The following FARS2 variants were observed in gnomAD, a reference collection of about 807,000 sequenced individuals.
FARS2 encodes phenylalanine--tRNA ligase, mitochondrial.
FARS2 carries 40 observed loss-of-function variants against 46.4 expected under a neutral mutation model. That is an observed-to-expected ratio of 0.86 (90% CI 0.67 to 1.12). The LOEUF (loss-of-function observed/expected upper bound fraction) is 1.12. Ranked by LOEUF, FARS2 falls within the 50% of genes most tolerant of loss-of-function variation. FARS2 has a pLI of 0.00. For missense variants in FARS2, 513 were observed against 567.9 expected (o/e 0.90, Z 0.98); for synonymous variants, 234 against 214.9 (o/e 1.09, Z -0.78).
rs550754895 is a variant in FARS2, at chr6:5,303,209, C to G, written c.-22+41549C>G. 2.6e-5 allele frequency among the ~76,000 whole-genome samples: 4 copies of G among 152,178 alleles called. No individual in the cohort carries two copies. The South Asian group carries it at 8.3e-4, about 32-fold the overall frequency. On this transcript the variant is annotated intron_variant, in intron 1 of 6. Coordinates refer to ENST00000274680, the MANE Select transcript of FARS2 (RefSeq NM_006567.5). ...CCCTGCTGCTTCCCTGGCAGGGACTCAGTGGGGAAGTGAAGGTATAGAGGA... is the reference window on the plus strand; with the variant it reads ...CCCTGCTGCTTCCCTGGCAGGGACTGAGTGGGGAAGTGAAGGTATAGAGGA...
intron 6 of FARS2, among the ~76,000 whole-genome samples, chr6:5,695,548 C>G (rs796905336): frequency 1.3e-4 from 20 of 152,324 alleles, no homozygotes; most frequent in Non-Finnish European, 2.9e-5. Context: ...TGACGAGAAG[C>G]CTTTAAAGGC....
Position 5,625,145 on chromosome 6 carries a change from A to G in FARS2, c.1217+11825A>G, listed in dbSNP as rs1362447069. On this transcript the variant is annotated intron_variant, in intron 6 of 6. Coordinates refer to ENST00000274680, the MANE Select transcript of FARS2 (RefSeq NM_006567.5). ...CCCCTTCAGAGGGACCATTATCTTG[A>G]CTGTAGATCTTGGAGTTAGGTCTCT... 3.3e-5 allele frequency among the ~76,000 whole-genome samples: 5 copies of G among 152,156 alleles called. No homozygotes were observed. The East Asian group carries it at 9.6e-4, about 29-fold the overall frequency.
intron 1 of FARS2, among the ~76,000 whole-genome samples, chr6:5,288,802 A>T (rs986692235): frequency 1.3e-5 from 2 of 152,244 alleles, no homozygotes; most frequent in Non-Finnish European, 2.9e-5. Flanking sequence ...AGGTGAGAGG[A>T]AACAGCTATT....
At chr6:5,491,725 T>G (rs188279004) in intron 4 of FARS2, among the ~76,000 whole-genome samples, 61 of 152,334 alleles carry the variant, frequency 4.0e-4, no homozygotes, top group Admixed American at 1.6e-3. Context: ...TCCATTGTAA[T>G]CTTACCCTCT....
chr6:5,461,474 G>A (rs1184459109), intron 4 of FARS2, among the ~76,000 whole-genome samples: 1 of 152,054 alleles, frequency 6.6e-6, no homozygotes, highest in Non-Finnish European at 1.5e-5. Flanking sequence ...GAGTTTTCCA[G>A]CCACCATCAC....
intron 4 of FARS2, among the ~76,000 whole-genome samples, chr6:5,534,033 G>A (rs1255533096): frequency 6.6e-6 from 1 of 152,140 alleles, no homozygotes; most frequent in Admixed American, 6.5e-5. Flanking sequence ...TTCAGAGCTG[G>A]GAGGGACTTG....
chr6:5,283,535 C>T (rs1459766108), intron 1 of FARS2, among the ~76,000 whole-genome samples: 17 of 127,086 alleles, frequency 1.3e-4, no homozygotes, highest in East Asian at 2.3e-4. Context: ...GGCAACAGAG[C>T]GAGACTTTGT....
intron 1 of FARS2, among the ~76,000 whole-genome samples, chr6:5,345,147 T>C (rs1202861338): frequency 1.3e-5 from 2 of 151,734 alleles, no homozygotes; most frequent in Admixed American, 1.3e-4. Flanking sequence ...GATGACTAGA[T>C]GAGACAATGT....
chr6:5,572,929 T>A (rs1772740977), intron 5 of FARS2, among the ~76,000 whole-genome samples: 2 of 152,186 alleles, frequency 1.3e-5, no homozygotes, highest in African/African-American at 4.8e-5. Flanking sequence ...CTGTCTCATG[T>A]TAATAGTTTA....
chr6:5,695,932 G>A (rs1758079214), intron 6 of FARS2, among the ~76,000 whole-genome samples: 1 of 152,204 alleles, frequency 6.6e-6, no homozygotes, highest in Non-Finnish European at 1.5e-5. Context: ...CGGTGAGCAC[G>A]AGACATACAG....
intron 6 of FARS2, among the ~76,000 whole-genome samples, chr6:5,700,667 A>G (rs1173267444): frequency 1.3e-5 from 2 of 152,158 alleles, no homozygotes; most frequent in African/African-American, 4.8e-5. Context: ...AAGTGCTGGG[A>G]TTACAGGCGT....
Position 5,502,828 on chromosome 6 carries a change from G to GTGAT in FARS2, c.905-42351_905-42348dup, listed in dbSNP as rs1767878859. The stretch of plus-strand genomic sequence containing the variant: ...GCAAAAGAGCTTTACAAACAGTTAA[G>GTGAT]TGATCCTGCCAATTTTATATCACAG... On this transcript the variant is annotated intron_variant, in intron 4 of 6. Coordinates refer to ENST00000274680, the MANE Select transcript of FARS2 (RefSeq NM_006567.5). Among the ~76,000 whole-genome samples the GTGAT allele has an allele frequency of 2.0e-5, 3 of 152,252 alleles. 1 individual carries two copies. In the South Asian group the frequency reaches 6.2e-4, roughly 32 times the overall value.
At chr6:5,641,698 TAGA>T (rs2150740699) in intron 6 of FARS2, among the ~76,000 whole-genome samples, 1 of 152,332 alleles carries the variant, frequency 6.6e-6, no homozygotes, top group South Asian at 2.1e-4. Context: ...TGAGCTAATA[TAGA>T]AGATGTTTGC....
chr6:5,618,890 G>C (rs1013759590), intron 6 of FARS2, among the ~76,000 whole-genome samples: 1 of 152,160 alleles, frequency 6.6e-6, no homozygotes, highest in African/African-American at 2.4e-5. Flanking sequence ...TGACTAAATG[G>C]GAGACTTGAG....
intron 4 of FARS2, among the ~76,000 whole-genome samples, chr6:5,449,725 C>T (rs951215732): frequency 2.0e-5 from 3 of 152,172 alleles, no homozygotes; most frequent in African/African-American, 7.2e-5. Flanking sequence ...TTGCATTATA[C>T]TTACTGATTT....
intron 4 of FARS2, among the ~76,000 whole-genome samples, chr6:5,433,190 G>C (rs557542997): frequency 3.3e-5 from 5 of 152,124 alleles, no homozygotes; most frequent in Admixed American, 1.3e-4. Flanking sequence ...TCTTTAGGCA[G>C]GGTTCATCAC....
intron 6 of FARS2, among the ~76,000 whole-genome samples, chr6:5,731,615 A>G (rs1041984700): frequency 1.3e-5 from 2 of 152,150 alleles, no homozygotes; most frequent in Non-Finnish European, 2.9e-5. Flanking sequence ...TATGAGTAGC[A>G]CCATGTCATA....
At chr6:5,374,367 C>T (rs1759246592) in intron 2 of FARS2, among the ~76,000 whole-genome samples, 1 of 152,064 alleles carries the variant, frequency 6.6e-6, no homozygotes, top group South Asian at 2.1e-4. Context: ...ATGAGATGGT[C>T]CCTGCTTTCA....
intron 4 of FARS2, among the ~76,000 whole-genome samples, chr6:5,449,920 G>A (rs1309999119): frequency 6.6e-6 from 1 of 152,184 alleles, no homozygotes; most frequent in East Asian, 1.9e-4. Flanking sequence ...ATACATGTGG[G>A]ATTGATTCCA....
Sources: gnomAD v4.1 joint callset for allele counts (sites outside exome capture counted in the v4.1 genomes callset) on GRCh38, gnomAD v4.1.1 for gene constraint, MANE v1.5 for transcripts, NCBI Gene and HGNC (gene_info 2026-07-23, HGNC 2026-07-21) for gene names.